Variants in TFEC observed in about 807,000 individuals in gnomAD.
TFEC encodes class E basic helix-loop-helix protein 34.
Under a neutral mutation model 41.6 loss-of-function variants are expected in TFEC, and 31 were observed. That is an observed-to-expected ratio of 0.74 (90% CI 0.56 to 1.01). The LOEUF (loss-of-function observed/expected upper bound fraction) is 1.01. Among genes scored for constraint, TFEC ranks in the 50% least tolerant of loss-of-function variants. The pLI, the probability that TFEC is intolerant of heterozygous loss-of-function variation, is 0.00. For missense variants in TFEC, 402 were observed against 404.1 expected (o/e 0.99, Z 0.04); for synonymous variants, 143 against 140.6 (o/e 1.02, Z -0.12).
rs1793767773 is a variant in TFEC, at chr7:115,984,493, A to C, written c.-52T>G. On this transcript the variant is annotated 5_prime_UTR_variant, in exon 2 of 8. Coordinates refer to ENST00000265440, the MANE Select transcript of TFEC (RefSeq NM_012252.4). ...CTTTCTGTAGCTGAGGCCTTGCAGA[A>C]CTTTCCAGGTGTGCTGGGACCTACA... 6.2e-7 allele frequency: 1 copy of C among 1,613,850 alleles called. No homozygotes were observed. The highest frequency in any genetic ancestry group is 1.7e-5 in the Admixed American group (1 of 59,952).
intron 3 of TFEC, among the ~76,000 whole-genome samples, chr7:116,078,147 T>C (rs1797003863): frequency 6.6e-6 from 1 of 151,978 alleles, no homozygotes; most frequent in Non-Finnish European, 1.5e-5. Flanking sequence ...CGCAAATACA[T>C]GCAAATTAAA....
At chr7:116,098,867 A>AAAGGAAGG (rs59276209) in intron 3 of TFEC, among the ~76,000 whole-genome samples, 13,299 of 114,820 alleles carry the variant, frequency 0.12, 979 homozygotes, top group East Asian at 0.17. Context: ...GAGAGGAAGA[A>AAAGGAAGG]AAGGAAGGAA....
chr7:115,987,683 A>T (rs1178843619), intron 1 of TFEC, among the ~76,000 whole-genome samples: 1 of 152,168 alleles, frequency 6.6e-6, no homozygotes, highest in Non-Finnish European at 1.5e-5. Context: ...CTGGCTGCTC[A>T]ACTGCTATGC....
intron 1 of TFEC, chr7:116,157,316 C>G (rs1798889722): frequency 6.6e-6 from 1 of 151,874 alleles, no homozygotes. Flanking sequence ...CCCATTTTCT[C>G]CTTTCCTCTT....
chr7:115,989,506 C>T (rs1794009971), intron 1 of TFEC, among the ~76,000 whole-genome samples: 1 of 152,192 alleles, frequency 6.6e-6, no homozygotes, highest in Non-Finnish European at 1.5e-5. Flanking sequence ...CAAGGGAAGC[C>T]ATGACAGACA....
chr7:116,007,417 C>T (rs1032488345), intron 1 of TFEC, among the ~76,000 whole-genome samples: 1 of 152,146 alleles, frequency 6.6e-6, no homozygotes, highest in Non-Finnish European at 1.5e-5. Context: ...TACCTATTTG[C>T]ATTTGAATTT....
chr7:116,038,178 A>G (rs1459559646), intron 3 of TFEC, among the ~76,000 whole-genome samples: 1 of 152,040 alleles, frequency 6.6e-6, no homozygotes, highest in Non-Finnish European at 1.5e-5. Context: ...CTTCTATAAT[A>G]CCAAGGACTA....
At chr7:116,158,865 T>C (rs574901361) in intron 1 of TFEC, among the ~76,000 whole-genome samples, 43 of 152,196 alleles carry the variant, frequency 2.8e-4, no homozygotes, top group African/African-American at 1.0e-3. Flanking sequence ...TTTTTGATAT[T>C]TGCTCATATT....
chr7:116,006,077 C>A (rs1160084029), intron 1 of TFEC, among the ~76,000 whole-genome samples: 1 of 152,218 alleles, frequency 6.6e-6, no homozygotes, highest in South Asian at 2.1e-4. Flanking sequence ...CCTGAATGCC[C>A]AGGCAGAAGT....
chr7:116,148,567 C>T (rs938479752), intron 1 of TFEC, among the ~76,000 whole-genome samples: 2 of 152,046 alleles, frequency 1.3e-5, no homozygotes, highest in African/African-American at 4.8e-5. Context: ...GACAAGATTT[C>T]CTAATAGATT....
intron 3 of TFEC, among the ~76,000 whole-genome samples, chr7:116,086,191 T>C (rs1797199760): frequency 1.3e-5 from 2 of 151,906 alleles, no homozygotes; most frequent in Admixed American, 1.3e-4. Flanking sequence ...AATTTACATA[T>C]TCGAAATAAA....
chr7:115,941,804 A>AG, intron 7 of TFEC, 89 bp downstream of exon 7: 26 of 1,484,296 alleles, frequency 1.8e-5, no homozygotes, highest in Non-Finnish European at 2.3e-5. Flanking sequence ...TGTTAATAAG[A>AG]GAAAAAATAA....
At chr7:116,092,630 T>C (rs1797355216) in intron 3 of TFEC, among the ~76,000 whole-genome samples, 1 of 152,180 alleles carries the variant, frequency 6.6e-6, no homozygotes, top group African/African-American at 2.4e-5. Context: ...TTTGATGTTG[T>C]TCTAACAGAC....
upstream of TFEC, among the ~76,000 whole-genome samples, chr7:116,031,046 A>G (rs1795767984): frequency 6.6e-6 from 1 of 152,176 alleles, no homozygotes; most frequent in South Asian, 2.1e-4. Context: ...CACAAGCAGT[A>G]CATGGTTGTT....
chr7:116,027,530 G>A (rs1349266104), intron 1 of TFEC, among the ~76,000 whole-genome samples: 4 of 152,088 alleles, frequency 2.6e-5, no homozygotes, highest in Non-Finnish European at 4.4e-5. Flanking sequence ...CCGGGAGGTC[G>A]AGGCTGCAGT....
intron 3 of TFEC, among the ~76,000 whole-genome samples, chr7:115,969,034 A>C (rs569818690): frequency 6.6e-6 from 1 of 151,884 alleles, no homozygotes; most frequent in African/African-American, 2.4e-5. Flanking sequence ...TTCTTGTTGC[A>C]GTAGTACCAT....
chr7:116,044,976 A>G (rs1351442677), intron 3 of TFEC, among the ~76,000 whole-genome samples: 1 of 152,214 alleles, frequency 6.6e-6, no homozygotes, highest in East Asian at 1.9e-4. Flanking sequence ...CCTTTATCCA[A>G]TGCATCCCAG....
intron 3 of TFEC, among the ~76,000 whole-genome samples, chr7:116,045,665 G>A (rs774528188): frequency 4.5e-4 from 69 of 152,372 alleles, no homozygotes; most frequent in Non-Finnish European, 8.7e-4. Flanking sequence ...AGGGAAATGC[G>A]GGGTTTGAGC....
At chr7:115,952,126 A>G (rs947611409) in intron 5 of TFEC, among the ~76,000 whole-genome samples, 1 of 152,116 alleles carries the variant, frequency 6.6e-6, no homozygotes, top group African/African-American at 2.4e-5. Context: ...TGGTGAACTT[A>G]CTCTACAAAG....
Sources: allele counts gnomAD v4.1 joint callset (sites outside exome capture counted in the v4.1 genomes callset), GRCh38; gene constraint gnomAD v4.1.1; transcripts MANE v1.5; gene names NCBI Gene and HGNC (gene_info 2026-07-23, HGNC 2026-07-21).